The following BRD10 variants were observed in gnomAD, a reference collection of about 807,000 sequenced individuals.
BRD10 encodes uncharacterized bromodomain-containing protein 10.
At chr9:6,007,423 C>G in the BRD10 span, 37 of 1,607,140 alleles carry the variant, frequency 2.3e-5, no homozygotes, top group Non-Finnish European at 3.1e-5. Flanking sequence ...GCCCCGGCCC[C>G]CGCTGCGCGG....
the BRD10 span, among the ~76,000 whole-genome samples, chr9:5,883,782 C>T: frequency 6.6e-6 from 1 of 152,086 alleles, no homozygotes. Context: ...CCTATTCCTT[C>T]TTAGGGACAG....
the BRD10 span, among the ~76,000 whole-genome samples, chr9:5,970,698 T>G: frequency 1.3e-5 from 2 of 152,196 alleles, no homozygotes; most frequent in Admixed American, 6.5e-5. Context: ...AGGAGACTTG[T>G]ATATAGAATA....
the BRD10 span, among the ~76,000 whole-genome samples, chr9:5,952,216 G>A: frequency 6.6e-6 from 1 of 151,850 alleles, no homozygotes; most frequent in Non-Finnish European, 1.5e-5. Flanking sequence ...TAGAGATGGG[G>A]TTTCATATAG....
At chr9:5,883,609 G>C in the BRD10 span, among the ~76,000 whole-genome samples, 1 of 151,582 alleles carries the variant, frequency 6.6e-6, no homozygotes, top group East Asian at 1.9e-4. Flanking sequence ...GTGACCACAG[G>C]TGCGCACCAA....
chr9:5,917,151 G>A, the BRD10 span, among the ~76,000 whole-genome samples: 1 of 152,192 alleles, frequency 6.6e-6, no homozygotes, highest in African/African-American at 2.4e-5. Flanking sequence ...GATTGATAAG[G>A]TTCCTGAAAT....
the BRD10 span, chr9:5,920,857 C>G: frequency 1.2e-6 from 2 of 1,613,948 alleles, no homozygotes; most frequent in Non-Finnish European, 8.5e-7. Flanking sequence ...GTCCTGTTTT[C>G]ACAGTTGATA....
At chr9:5,968,105 G>A in the BRD10 span, 1 of 1,569,904 alleles carries the variant, frequency 6.4e-7, no homozygotes. Context: ...GAATGCAAGA[G>A]AATGAAGACC....
At chr9:6,006,369 T>C in the BRD10 span, among the ~76,000 whole-genome samples, 1 of 152,244 alleles carries the variant, frequency 6.6e-6, no homozygotes, top group Non-Finnish European at 1.5e-5. Context: ...CCACTTCAAC[T>C]ACCAATACCA....
At chr9:5,922,859 C>G in the BRD10 span, 1 of 1,613,972 alleles carries the variant, frequency 6.2e-7, no homozygotes, top group African/African-American at 1.3e-5. Flanking sequence ...CTTTATCGGG[C>G]TTGCTTCCGG....
chr9:5,967,265 T>A, the BRD10 span, among the ~76,000 whole-genome samples: 15 of 152,158 alleles, frequency 9.9e-5, no homozygotes, highest in African/African-American at 3.6e-4. Context: ...CTCACTTATG[T>A]GCTTGATAAA....
chr9:5,880,671 C>T, the BRD10 span, among the ~76,000 whole-genome samples: 2 of 151,654 alleles, frequency 1.3e-5, no homozygotes, highest in African/African-American at 4.8e-5. Context: ...TACCTGATCC[C>T]TTTCCCTCCC....
the BRD10 span, among the ~76,000 whole-genome samples, chr9:5,918,182 G>C: frequency 6.6e-6 from 1 of 152,258 alleles, no homozygotes; most frequent in Middle Eastern, 3.4e-3. Flanking sequence ...GTTTCTGAGA[G>C]CCTTTAGTGA....
At chr9:5,884,694 C>T in the BRD10 span, among the ~76,000 whole-genome samples, 2 of 152,158 alleles carry the variant, frequency 1.3e-5, no homozygotes, top group African/African-American at 4.8e-5. Flanking sequence ...GTGGCTCTAG[C>T]ATTATTAGAT....
chr9:5,924,833 C>T, the BRD10 span: 1 of 1,495,966 alleles, frequency 6.7e-7, no homozygotes, highest in Non-Finnish European at 9.0e-7. Context: ...CATAGTCTTT[C>T]TTCAGGCGGC....
At chr9:6,004,161 G>A in the BRD10 span, among the ~76,000 whole-genome samples, 4 of 151,972 alleles carry the variant, frequency 2.6e-5, no homozygotes, top group African/African-American at 9.7e-5. Flanking sequence ...TCCTTACCTC[G>A]TCTCACTTGT....
the BRD10 span, among the ~76,000 whole-genome samples, chr9:5,981,979 A>G: frequency 1.3e-5 from 2 of 152,158 alleles, no homozygotes; most frequent in Non-Finnish European, 2.9e-5. Flanking sequence ...TCACCACTAA[A>G]GAACTTATTT....
chr9:5,908,861 G>C, the BRD10 span: 1 of 646,568 alleles, frequency 1.5e-6, no homozygotes, highest in South Asian at 1.9e-5. Context: ...TAGTAGGTCC[G>C]CTAGCAGTAC....
At chr9:5,968,785 C>A in the BRD10 span, 1 of 1,613,918 alleles carries the variant, frequency 6.2e-7, no homozygotes. Flanking sequence ...GTTTATAAAT[C>A]CGTACATCTG....
the BRD10 span, among the ~76,000 whole-genome samples, chr9:5,878,962 A>G: frequency 6.6e-6 from 1 of 152,210 alleles, no homozygotes; most frequent in Non-Finnish European, 1.5e-5. Context: ...GGGCAGAGAG[A>G]TGGTTGATGC....
Sources: allele counts gnomAD v4.1 joint callset (sites outside exome capture counted in the v4.1 genomes callset), GRCh38; gene constraint gnomAD v4.1.1; transcripts MANE v1.5; gene names NCBI Gene and HGNC (gene_info 2026-07-23, HGNC 2026-07-21).